The following ZNF423 variants were observed in gnomAD, a reference collection of about 807,000 sequenced individuals.
ZNF423 encodes the protein Ebf-associated zinc finger protein.
Under a neutral mutation model 95.8 loss-of-function variants are expected in ZNF423, and 12 were observed. That is an observed-to-expected ratio of 0.13 (90% CI 0.08 to 0.20). ZNF423 has a LOEUF of 0.20. Among genes scored for constraint, ZNF423 ranks in the 10% least tolerant of loss-of-function variants. The pLI, the probability that ZNF423 is intolerant of heterozygous loss-of-function variation, is 1.00. For synonymous variants in ZNF423, 749 were observed against 711.9 expected (o/e 1.05, Z -0.83); for missense variants, 1,316 against 1,737.1 (o/e 0.76, Z 4.31).
intron 3 of ZNF423, among the ~76,000 whole-genome samples, chr16:49,697,001 GGGAATCGCC>G (rs1342130694): frequency 6.6e-6 from 1 of 152,234 alleles, no homozygotes. Flanking sequence ...AAAGCTCACA[GGGAATCGCC>G]GGAGGGTTGA....
At chr16:49,550,756 AACTC>A (rs1467371750) in intron 5 of ZNF423, among the ~76,000 whole-genome samples, 1 of 152,250 alleles carries the variant, frequency 6.6e-6, no homozygotes, top group East Asian at 1.9e-4. Context: ...AGGGGCTCTC[AACTC>A]ATGCCAGTAA....
At chr16:49,819,608 C>T (rs1376063071) in intron 1 of ZNF423, among the ~76,000 whole-genome samples, 1 of 152,060 alleles carries the variant, frequency 6.6e-6, no homozygotes, top group Non-Finnish European at 1.5e-5. Context: ...ACCACTTTGC[C>T]TGGCTAATTT....
At chr16:49,836,376 T>C (rs1248205796) in intron 1 of ZNF423, among the ~76,000 whole-genome samples, 1 of 151,222 alleles carries the variant, frequency 6.6e-6, no homozygotes, top group East Asian at 2.0e-4. Flanking sequence ...GGGGTTGGCA[T>C]GGAGGGAAGG....
intron 1 of ZNF423, among the ~76,000 whole-genome samples, chr16:49,830,326 T>G (rs1056735777): frequency 6.6e-6 from 1 of 152,064 alleles, no homozygotes; most frequent in Non-Finnish European, 1.5e-5. Flanking sequence ...AGAGCTCCCA[T>G]GACATGAGGG....
chr16:49,510,084 G>A (rs1039572755), intron 7 of ZNF423, among the ~76,000 whole-genome samples: 3 of 152,230 alleles, frequency 2.0e-5, no homozygotes, highest in African/African-American at 7.2e-5. Flanking sequence ...ACTCGCTGTT[G>A]AGCCTGCTTC....
At chr16:49,533,768 G>T (rs965001354) in intron 5 of ZNF423, among the ~76,000 whole-genome samples, 1 of 152,208 alleles carries the variant, frequency 6.6e-6, no homozygotes, top group Non-Finnish European at 1.5e-5. Context: ...TGGGCCAAGC[G>T]CTTCCCTCTG....
intron 5 of ZNF423, among the ~76,000 whole-genome samples, chr16:49,600,396 C>A (rs192617871): frequency 2.1e-4 from 32 of 152,130 alleles, no homozygotes; most frequent in Admixed American, 1.0e-3. Flanking sequence ...GCAGCAAGGA[C>A]CCTCACTCGG....
chr16:49,650,040 G>GA lies in ZNF423; in HGVS notation c.302-11167dup, dbSNP rs551876121. Among the ~76,000 whole-genome samples, 11 of 152,300 alleles carry GA rather than the reference G, an allele frequency of 7.2e-5. No individual in the cohort carries two copies. The East Asian group carries it at 2.1e-3, about 29-fold the overall frequency. On this transcript the variant is annotated intron_variant, in intron 3 of 7. Coordinates refer to ENST00000563137, the MANE Select transcript of ZNF423 (RefSeq NM_001379286.1). ...TAGGGATCATTCCTTCGGTTTGGGA[G>GA]AAAAAAGACTCAGAGGTCACTGGAC...
chr16:49,726,480 G>A (rs1038034847), intron 3 of ZNF423, among the ~76,000 whole-genome samples: 2 of 152,148 alleles, frequency 1.3e-5, no homozygotes, highest in Admixed American at 1.3e-4. Flanking sequence ...CCTAGAAGAT[G>A]ATGATAAACA....
At chr16:49,493,167 G>C (rs187393267) in intron 7 of ZNF423, among the ~76,000 whole-genome samples, 114 of 151,946 alleles carry the variant, frequency 7.5e-4, no homozygotes, top group African/African-American at 2.6e-3. Flanking sequence ...GTCCTGTGGG[G>C]AGCCGAATCC....
intron 1 of ZNF423, among the ~76,000 whole-genome samples, chr16:49,799,991 C>T (rs1187679842): frequency 6.6e-6 from 1 of 152,168 alleles, no homozygotes; most frequent in Non-Finnish European, 1.5e-5. Flanking sequence ...TGGGAGCTCA[C>T]ACCTATAATC....
intron 5 of ZNF423, among the ~76,000 whole-genome samples, chr16:49,564,893 C>G (rs1319620516): frequency 6.6e-6 from 1 of 152,230 alleles, no homozygotes; most frequent in African/African-American, 2.4e-5. Flanking sequence ...CTCCACCAAT[C>G]TCCTCCTCGT....
In ZNF423 at chr16:49,644,435, G is replaced by A. The variant is rs28507531; in HGVS notation, c.302-5561C>T. On this transcript the variant is annotated intron_variant, in intron 3 of 7. Transcript: ENST00000563137. ...ATTGGGTGGCTGAGGTGGGAGGATC[G>A]TTTGAGGTCAGGAGTTTGAGACCAG... Among the ~76,000 whole-genome samples the A allele has an allele frequency of 3.0e-3, 457 of 151,104 alleles. 1 individual carries two copies. The highest frequency in any genetic ancestry group is 6.3e-3 in the Admixed American group (95 of 15,162).
chr16:49,627,290 CCCAT>C (rs2151867194), intron 4 of ZNF423, among the ~76,000 whole-genome samples: 1 of 138,472 alleles, frequency 7.2e-6, no homozygotes, highest in South Asian at 2.7e-4. Context: ...CCTCCATCTA[CCCAT>C]CCATCCATCT....
At chr16:49,529,904 AC>A (rs112627019) in intron 5 of ZNF423, among the ~76,000 whole-genome samples, 4 of 151,280 alleles carry the variant, frequency 2.6e-5, no homozygotes, top group African/African-American at 4.9e-5. Flanking sequence ...CTTAGCAGGA[AC>A]CCCCCTCGGG....
rs904744833 is a variant in ZNF423 at position 49,808,739 on chromosome 16, C to T, written c.41-19193G>A. On this transcript the variant is annotated intron_variant, in intron 1 of 7. Transcript: ENST00000563137. ...CCCAAAACCTGTGGCTCATCCACCCCCCAGGGCCGTTAGCAGAGGGGTGGA... is the reference window on the plus strand; with the variant it reads ...CCCAAAACCTGTGGCTCATCCACCCTCCAGGGCCGTTAGCAGAGGGGTGGA... Among the ~76,000 whole-genome samples the T allele has an allele frequency of 3.3e-5, 5 of 152,168 alleles. No homozygotes were observed. The East Asian group carries it at 7.7e-4, about 23-fold the overall frequency.
intron 5 of ZNF423, among the ~76,000 whole-genome samples, chr16:49,590,094 G>A (rs954980707): frequency 4.1e-5 from 6 of 145,872 alleles, no homozygotes; most frequent in Admixed American, 6.9e-5. Flanking sequence ...CTTTCCCTGC[G>A]CAAGGTACTT....
At chr16:49,517,253 G>T (rs766687909) in intron 7 of ZNF423, among the ~76,000 whole-genome samples, 1 of 152,072 alleles carries the variant, frequency 6.6e-6, no homozygotes, top group Non-Finnish European at 1.5e-5. Flanking sequence ...TCTAGCTTGC[G>T]CCAACTGCAG....
chr16:49,505,453 G>A (rs1243321900), intron 7 of ZNF423, among the ~76,000 whole-genome samples: 3 of 152,158 alleles, frequency 2.0e-5, no homozygotes, highest in Admixed American at 6.5e-5. Context: ...CTGTTCTGGC[G>A]GATATTCTGA....
Sources: allele counts gnomAD v4.1 joint callset (sites outside exome capture counted in the v4.1 genomes callset), GRCh38; gene constraint gnomAD v4.1.1; transcripts MANE v1.5; gene names NCBI Gene and HGNC (gene_info 2026-07-23, HGNC 2026-07-21).